KYNU: variants seen among roughly 807,000 people sequenced by gnomAD.
KYNU encodes the protein L-kynurenine hydrolase.
KYNU carries 54 observed loss-of-function variants against 59.2 expected under a neutral mutation model. The observed-to-expected ratio is 0.91, with a 90% CI of 0.73 to 1.14. The LOEUF (loss-of-function observed/expected upper bound fraction) is 1.14. Ranked by LOEUF, KYNU falls within the 50% of genes most tolerant of loss-of-function variation. KYNU has a pLI of 0.00. For missense variants in KYNU, 567 were observed against 554.4 expected (o/e 1.02, Z -0.23); for synonymous variants, 177 against 192.0 (o/e 0.92, Z 0.65).
At chr2:142,886,906 C>A (rs1482469461) in intron 2 of KYNU, among the ~76,000 whole-genome samples, 1 of 152,082 alleles carries the variant, frequency 6.6e-6, no homozygotes, top group Non-Finnish European at 1.5e-5. Context: ...CGCGGTGGCT[C>A]ACGCCTGTAA....
intron 2 of KYNU, among the ~76,000 whole-genome samples, chr2:142,915,859 T>A (rs1300657030): frequency 6.6e-6 from 1 of 152,178 alleles, no homozygotes; most frequent in Non-Finnish European, 1.5e-5. Context: ...TAACCACCTG[T>A]TCCTAATACT....
intron 10 of KYNU, among the ~76,000 whole-genome samples, chr2:143,012,251 G>T (rs1686127485): frequency 6.6e-6 from 1 of 152,072 alleles, no homozygotes; most frequent in African/African-American, 2.4e-5. Flanking sequence ...GGAGGCCGAG[G>T]CGGGTGGATC....
chr2:142,881,922 T>C (rs1026554479), intron 1 of KYNU, among the ~76,000 whole-genome samples: 11 of 143,596 alleles, frequency 7.7e-5, no homozygotes, highest in African/African-American at 2.4e-4. Context: ...TTTTCTTTTT[T>C]TTTTTTTTTT....
At chr2:142,960,822 A>C in intron 8 of KYNU, 52 bp downstream of exon 8, 1 of 1,550,140 alleles carries the variant, frequency 6.5e-7, no homozygotes, top group African/African-American at 1.4e-5. Flanking sequence ...CACTCTACTT[A>C]AGAGTGTTCT....
At chr2:143,006,096 C>T (rs983545469) in intron 10 of KYNU, among the ~76,000 whole-genome samples, 3 of 152,166 alleles carry the variant, frequency 2.0e-5, no homozygotes, top group African/African-American at 4.8e-5. Flanking sequence ...CAGCTCCCAG[C>T]ATGAGCAACG....
intron 4 of KYNU, among the ~76,000 whole-genome samples, chr2:142,940,094 C>T (rs191356076): frequency 3.9e-5 from 6 of 152,298 alleles, no homozygotes; most frequent in Non-Finnish European, 5.9e-5. Flanking sequence ...TCCTGAATTG[C>T]ATTTAAAAGT....
intron 2 of KYNU, among the ~76,000 whole-genome samples, chr2:142,909,229 A>G (rs1682402140): frequency 6.6e-6 from 1 of 152,198 alleles, no homozygotes; most frequent in Admixed American, 6.5e-5. Flanking sequence ...CCTTTACACA[A>G]AGACTTTAAC....
At chr2:142,913,084 CTGTT>C (rs762068968) in intron 2 of KYNU, among the ~76,000 whole-genome samples, 2 of 152,098 alleles carry the variant, frequency 1.3e-5, no homozygotes, top group Non-Finnish European at 1.5e-5. Context: ...TTTGAATCCT[CTGTT>C]TTTTTCTTTT....
chr2:142,903,786 C>T (rs1682189911), intron 2 of KYNU, among the ~76,000 whole-genome samples: 1 of 152,184 alleles, frequency 6.6e-6, no homozygotes, highest in Admixed American at 6.5e-5. Context: ...ATTCCCTTGA[C>T]ATAAGGGGCA....
intron 10 of KYNU, among the ~76,000 whole-genome samples, chr2:143,015,602 A>G (rs116492008): frequency 1.2e-3 from 180 of 152,116 alleles, no homozygotes; most frequent in African/African-American, 4.0e-3. Flanking sequence ...ATATTTGTTT[A>G]TGTTTATGTG....
Position 142,955,266 on chromosome 2 carries a change from G to A in KYNU, c.435+395G>A, listed in dbSNP as rs893599358. The stretch of plus-strand genomic sequence containing the variant: ...CAGTATACTTTTGTATATTAATATA[G>A]GTTAAAAAAGACTTGGAGTATTAAA... On this transcript the variant is annotated intron_variant, in intron 5 of 13. Transcript: ENST00000264170. Among the ~76,000 whole-genome samples, 6 of 152,020 alleles carry A rather than the reference G, an allele frequency of 3.9e-5. No individual in the cohort carries two copies. The South Asian group carries it at 1.2e-3, about 31-fold the overall frequency.
At chr2:142,892,701 C>T (rs1681753296) in intron 2 of KYNU, among the ~76,000 whole-genome samples, 1 of 152,052 alleles carries the variant, frequency 6.6e-6, no homozygotes, top group African/African-American at 2.4e-5. Flanking sequence ...AGAGGCATAC[C>T]ATGAGCCATA....
At chr2:142,903,758 G>A (rs572688841) in intron 2 of KYNU, among the ~76,000 whole-genome samples, 1 of 152,342 alleles carries the variant, frequency 6.6e-6, no homozygotes, top group East Asian at 1.9e-4. Context: ...GTCCCCTGGG[G>A]CAGTGGGCCT....
chr2:142,912,003 G>T (rs1383687872), intron 2 of KYNU, among the ~76,000 whole-genome samples: 1 of 151,944 alleles, frequency 6.6e-6, no homozygotes, highest in Non-Finnish European at 1.5e-5. Context: ...TAATTTTGTT[G>T]TTGTTGTTGT....
chr2:142,970,622 G>A (rs1442649740), intron 8 of KYNU, among the ~76,000 whole-genome samples: 1 of 152,178 alleles, frequency 6.6e-6, no homozygotes, highest in East Asian at 1.9e-4. Flanking sequence ...GTCACCATGT[G>A]TCTGAAAAGT....
At chr2:143,021,609 AAG>A in intron 10 of KYNU, among the ~76,000 whole-genome samples, 1 of 152,260 alleles carries the variant, frequency 6.6e-6, no homozygotes, top group East Asian at 1.9e-4. Flanking sequence ...TGGCAGGAGC[AAG>A]AGAGAGCAAG....
At chr2:143,006,637 T>TGC (rs1685912442) in intron 10 of KYNU, among the ~76,000 whole-genome samples, 1 of 148,264 alleles carries the variant, frequency 6.7e-6, no homozygotes, top group South Asian at 2.3e-4. Flanking sequence ...CAGTAACCTC[T>TGC]GCAGACTTAA....
rs746953474 is a variant in KYNU at position 142,986,309 on chromosome 2, T to TC, written c.902+288_902+289insC. Among the ~76,000 whole-genome samples, 212 of 152,034 alleles carry TC rather than the reference T, an allele frequency of 1.4e-3. 1 individual carries two copies. Among genetic ancestry groups the TC allele is most frequent in the Non-Finnish European group, 2.6e-3 (174 of 67,896 alleles). ...GTTTAATGCAAAGAGACCACTTGAATATTTTTTTTCAAAAATTAGACTTTA... is the reference window on the plus strand; with the variant it reads ...GTTTAATGCAAAGAGACCACTTGAATCATTTTTTTTCAAAAATTAGACTTTA... On this transcript the variant is annotated intron_variant, in intron 10 of 13. Coordinates refer to ENST00000264170, the MANE Select transcript of KYNU (RefSeq NM_003937.3).
At chr2:142,897,800 C>T (rs977288721) in intron 2 of KYNU, among the ~76,000 whole-genome samples, 1 of 152,136 alleles carries the variant, frequency 6.6e-6, no homozygotes. Flanking sequence ...TCTAATAAAA[C>T]CCCTAAACTC....
Sources: allele counts gnomAD v4.1 joint callset (sites outside exome capture counted in the v4.1 genomes callset), GRCh38; gene constraint gnomAD v4.1.1; transcripts MANE v1.5; gene names NCBI Gene and HGNC (gene_info 2026-07-23, HGNC 2026-07-21).